The following GALNT13 variants were observed in gnomAD, a reference collection of about 807,000 sequenced individuals.
GALNT13 encodes the protein polypeptide N-acetylgalactosaminyltransferase 13.
In GALNT13, 28 loss-of-function variants were observed where a neutral mutation model predicts 64.2. The observed-to-expected ratio is 0.44, with a 90% confidence interval of 0.32 to 0.60. The LOEUF (loss-of-function observed/expected upper bound fraction) is 0.60, where lower values mean the gene tolerates loss of function less well. GALNT13 is among the 20% of genes least tolerant of loss of function. The pLI is 0.05. For synonymous variants in GALNT13, 214 were observed against 224.6 expected (o/e 0.95, Z 0.42); for missense variants, 577 against 669.8 (o/e 0.86, Z 1.53).
the GALNT13 span, among the ~76,000 whole-genome samples, chr2:153,418,707 G>C: frequency 6.6e-6 from 1 of 152,060 alleles, no homozygotes; most frequent in Admixed American, 6.5e-5. Flanking sequence ...AGAGAGTGGA[G>C]GGTAGCCGGG....
chr2:154,349,250 A>C (rs2105248939), intron 9 of GALNT13, among the ~76,000 whole-genome samples: 1 of 152,324 alleles, frequency 6.6e-6, no homozygotes, highest in Middle Eastern at 3.4e-3. Flanking sequence ...AATTGATGGG[A>C]TATGTCATTA....
In GALNT13 at chr2:154,451,036, G is replaced by A. The variant is rs2105509626; in HGVS notation, c.*485G>A. 6.6e-6 allele frequency: 1 copy of A among 152,430 alleles called. No individual in the cohort carries two copies. The highest frequency in any genetic ancestry group is 2.1e-4 in the South Asian group (1 of 4,822). 9.4% of individuals were successfully genotyped at this position (152,430 alleles called of 1,614,324 possible). Reference sequence around the variant, plus strand: ...CCACATATTAAATTACTTCTGAATGGTGAATTCATCTTACAAAATGTTCCA... The same window carrying A: ...CCACATATTAAATTACTTCTGAATGATGAATTCATCTTACAAAATGTTCCA... On this transcript the variant is annotated 3_prime_UTR_variant, in exon 13 of 13. Coordinates refer to ENST00000392825, the MANE Select transcript of GALNT13 (RefSeq NM_052917.4).
intron 3 of GALNT13, among the ~76,000 whole-genome samples, chr2:154,109,233 G>T (rs1158238716): frequency 6.6e-6 from 1 of 151,804 alleles, no homozygotes; most frequent in Non-Finnish European, 1.5e-5. Context: ...TTAAGTTTTA[G>T]TATACTGATT....
the GALNT13 span, among the ~76,000 whole-genome samples, chr2:153,113,326 G>A: frequency 2.6e-5 from 4 of 152,052 alleles, no homozygotes; most frequent in East Asian, 7.8e-4. Flanking sequence ...TGATGTTTCA[G>A]TCCTTTCATG....
At chr2:153,464,366 C>G in the GALNT13 span, among the ~76,000 whole-genome samples, 1 of 152,176 alleles carries the variant, frequency 6.6e-6, no homozygotes, top group Non-Finnish European at 1.5e-5. Context: ...ATTTCTCTCT[C>G]TGATCAGAGT....
At chr2:154,261,079 A>G (rs1203170780) in intron 8 of GALNT13, among the ~76,000 whole-genome samples, 1 of 152,148 alleles carries the variant, frequency 6.6e-6, no homozygotes, top group Non-Finnish European at 1.5e-5. Flanking sequence ...ATAATATGAT[A>G]AACAAGGAGG....
At chr2:153,438,673 C>T in the GALNT13 span, among the ~76,000 whole-genome samples, 13 of 152,166 alleles carry the variant, frequency 8.5e-5, no homozygotes, top group Admixed American at 3.9e-4. Context: ...GTTTTCAGCT[C>T]CATCAGGTCC....
chr2:153,709,365 T>A, the GALNT13 span, among the ~76,000 whole-genome samples: 1 of 151,942 alleles, frequency 6.6e-6, no homozygotes, highest in African/African-American at 2.4e-5. Context: ...AGAAAACATA[T>A]AAATGGCTAA....
intron 4 of GALNT13, among the ~76,000 whole-genome samples, chr2:154,226,832 A>G (rs1205480117): frequency 6.6e-6 from 1 of 152,176 alleles, no homozygotes; most frequent in African/African-American, 2.4e-5. Context: ...TCAGAAATTC[A>G]TGATATTCAA....
the GALNT13 span, among the ~76,000 whole-genome samples, chr2:153,411,650 C>G: frequency 1.3e-5 from 2 of 152,140 alleles, no homozygotes; most frequent in African/African-American, 4.8e-5. Flanking sequence ...CATGCTGGGC[C>G]GTCTGACTGA....
the GALNT13 span, among the ~76,000 whole-genome samples, chr2:153,661,771 G>T: frequency 6.6e-6 from 1 of 152,078 alleles, no homozygotes; most frequent in Non-Finnish European, 1.5e-5. Flanking sequence ...TATATAGATT[G>T]AATTTATCTT....
chr2:153,999,675 C>T (rs1333687577), intron 3 of GALNT13, among the ~76,000 whole-genome samples: 5 of 151,954 alleles, frequency 3.3e-5, no homozygotes, highest in African/African-American at 2.4e-5. Context: ...CCCACTTAAT[C>T]GTGGAGTATA....
At chr2:153,265,640 C>A in the GALNT13 span, among the ~76,000 whole-genome samples, 1 of 152,108 alleles carries the variant, frequency 6.6e-6, no homozygotes, top group East Asian at 1.9e-4. Context: ...GTATTGTGAT[C>A]TCTAATCTGA....
chr2:153,168,898 A>G, the GALNT13 span, among the ~76,000 whole-genome samples: 1 of 152,098 alleles, frequency 6.6e-6, no homozygotes, highest in African/African-American at 2.4e-5. Flanking sequence ...CAGATTGGCT[A>G]TTTCACACAT....
chr2:153,701,880 T>A, the GALNT13 span, among the ~76,000 whole-genome samples: 133 of 152,256 alleles, frequency 8.7e-4, no homozygotes, highest in African/African-American at 2.8e-3. Flanking sequence ...ACACTGTTGG[T>A]AGGAATCTAA....
the GALNT13 span, among the ~76,000 whole-genome samples, chr2:153,482,922 T>C: frequency 6.6e-6 from 1 of 152,194 alleles, no homozygotes; most frequent in Non-Finnish European, 1.5e-5. Flanking sequence ...TACAGATATA[T>C]TGCAATAGTT....
chr2:154,415,048 C>T (rs555742323), intron 11 of GALNT13, among the ~76,000 whole-genome samples: 73 of 151,234 alleles, frequency 4.8e-4, no homozygotes, highest in Non-Finnish European at 9.9e-4. Context: ...ATCTGTAGTA[C>T]CATCTATTCA....
chr2:153,306,888 C>T, the GALNT13 span, among the ~76,000 whole-genome samples: 2 of 152,136 alleles, frequency 1.3e-5, no homozygotes, highest in Non-Finnish European at 2.9e-5. Flanking sequence ...AGGCACACAC[C>T]ACCGTGCTCA....
chr2:153,086,841 A>G, the GALNT13 span, among the ~76,000 whole-genome samples: 1 of 151,764 alleles, frequency 6.6e-6, no homozygotes, highest in Non-Finnish European at 1.5e-5. Context: ...TTGTATCCTG[A>G]AAGTTTATAG....
Sources: allele counts gnomAD v4.1 joint callset (sites outside exome capture counted in the v4.1 genomes callset), GRCh38; gene constraint gnomAD v4.1.1; transcripts MANE v1.5; gene names NCBI Gene and HGNC (gene_info 2026-07-23, HGNC 2026-07-21).